The following RGS6 variants were observed in gnomAD, a reference collection of about 807,000 sequenced individuals.
RGS6 encodes regulator of G protein signaling 6, also known as regulator of G-protein signaling 6.
A neutral mutation model predicts 78.5 loss-of-function variants in RGS6; 30 were observed. The observed-to-expected ratio is 0.38, with a 90% CI of 0.29 to 0.52. The LOEUF (loss-of-function observed/expected upper bound fraction) is 0.52, where lower values mean the gene tolerates loss of function less well. Ranked by LOEUF, RGS6 falls within the 20% of genes least tolerant of loss-of-function variation. The pLI is 0.85. For synonymous variants in RGS6, 206 were observed against 206.0 expected, an observed-to-expected ratio of 1.00 and a Z score of 0.00; for missense variants, 495 against 609.7, an observed-to-expected ratio of 0.81 and a Z score of 1.98.
At chr14:71,985,505 T>A (rs1156919921) in intron 2 of RGS6, among the ~76,000 whole-genome samples, 1 of 152,166 alleles carries the variant, frequency 6.6e-6, no homozygotes, top group Admixed American at 6.5e-5. Flanking sequence ...TAATAGCAAA[T>A]TAAAAAATTC....
intron 2 of RGS6, among the ~76,000 whole-genome samples, chr14:72,145,167 T>G (rs1259200649): frequency 6.6e-6 from 1 of 152,148 alleles, no homozygotes; most frequent in African/African-American, 2.4e-5. Context: ...ACAATAGTGA[T>G]GTTATCCCCA....
At chr14:71,979,229 A>G (rs1201064263) in intron 2 of RGS6, among the ~76,000 whole-genome samples, 6 of 147,296 alleles carry the variant, frequency 4.1e-5, no homozygotes, top group African/African-American at 1.5e-4. Flanking sequence ...TGGATTCATT[A>G]ATTTTTTGAA....
At chr14:72,329,645 T>C (rs760204784) in intron 2 of RGS6, among the ~76,000 whole-genome samples, 1 of 152,244 alleles carries the variant, frequency 6.6e-6, no homozygotes, top group Non-Finnish European at 1.5e-5. Context: ...TTATGGGGCC[T>C]GGTAAAGGTT....
chr14:72,064,970 A>G (rs1203863198), intron 2 of RGS6, among the ~76,000 whole-genome samples: 3 of 152,214 alleles, frequency 2.0e-5, no homozygotes, highest in African/African-American at 7.2e-5. Context: ...TATATTTTGT[A>G]GTATCTTGGA....
chr14:72,097,429 CT>C (rs756140507), intron 2 of RGS6, among the ~76,000 whole-genome samples: 1 of 152,176 alleles, frequency 6.6e-6, no homozygotes, highest in Non-Finnish European at 1.5e-5. Context: ...ATTCTCTTTA[CT>C]TTGGTCTTTG....
chr14:72,095,206 A>G (rs1047780870), intron 2 of RGS6, among the ~76,000 whole-genome samples: 14 of 152,082 alleles, frequency 9.2e-5, no homozygotes, highest in Admixed American at 5.9e-4. Context: ...ACTGAGTTTT[A>G]ACAAATAATT....
chr14:72,513,703 C>A (rs1211067356), intron 14 of RGS6, among the ~76,000 whole-genome samples: 1 of 152,222 alleles, frequency 6.6e-6, no homozygotes, highest in East Asian at 1.9e-4. Context: ...CATCTTTGCT[C>A]CCTCTCCCAC....
At chr14:72,163,001 G>A (rs570727884) in intron 2 of RGS6, among the ~76,000 whole-genome samples, 24 of 152,252 alleles carry the variant, frequency 1.6e-4, no homozygotes, top group African/African-American at 5.8e-4. Context: ...TAAGCTATGA[G>A]GATGCAAAGG....
chr14:71,895,324 T>C, the RGS6 span, among the ~76,000 whole-genome samples: 126,018 of 151,748 alleles, frequency 0.83, 52,517 homozygotes, highest in African/African-American at 0.85. Context: ...GCTGGGATTA[T>C]AGGCGCCCAT....
chr14:72,607,965 CACTT>C, the RGS6 span, among the ~76,000 whole-genome samples: 12 of 152,358 alleles, frequency 7.9e-5, no homozygotes, highest in African/African-American at 1.9e-4. Context: ...GTGCAGCACT[CACTT>C]AGGGGAGGAA....
At chr14:72,401,150 A>G (rs181230974) in intron 3 of RGS6, among the ~76,000 whole-genome samples, 2 of 152,252 alleles carry the variant, frequency 1.3e-5, no homozygotes, top group African/African-American at 4.8e-5. Flanking sequence ...CTTTACCCCA[A>G]GTCTACCTCC....
chr14:72,108,848 G>A (rs968737012), intron 2 of RGS6, among the ~76,000 whole-genome samples: 2 of 151,880 alleles, frequency 1.3e-5, no homozygotes, highest in African/African-American at 2.4e-5. Context: ...TGTTAGAATT[G>A]TGATCTGATT....
intron 2 of RGS6, among the ~76,000 whole-genome samples, chr14:72,299,858 T>C (rs1171215017): frequency 6.6e-6 from 1 of 152,238 alleles, no homozygotes; most frequent in Non-Finnish European, 1.5e-5. Context: ...CTCACTTTCC[T>C]GATATCAGTA....
intron 2 of RGS6, among the ~76,000 whole-genome samples, chr14:72,167,694 A>T (rs924622455): frequency 2.6e-5 from 4 of 152,264 alleles, no homozygotes; most frequent in African/African-American, 9.6e-5. Context: ...GTGCTAAAAT[A>T]GAACACTTAC....
chr14:72,404,149 C>T (rs2092713220), intron 3 of RGS6, among the ~76,000 whole-genome samples: 1 of 152,148 alleles, frequency 6.6e-6, no homozygotes, highest in Admixed American at 6.6e-5. Flanking sequence ...CTTTTTGACC[C>T]ACTCCTATTC....
At chr14:72,587,858 G>A in the RGS6 span, among the ~76,000 whole-genome samples, 5 of 152,198 alleles carry the variant, frequency 3.3e-5, no homozygotes, top group African/African-American at 2.4e-5. Context: ...CACAGAGAAA[G>A]ATGGATTCTA....
chr14:72,467,047 G>A (rs542323377), intron 7 of RGS6, among the ~76,000 whole-genome samples: 200 of 152,144 alleles, frequency 1.3e-3, no homozygotes, highest in Non-Finnish European at 2.4e-3. Context: ...GCAAAAATTA[G>A]AGGCCCCACC....
intron 2 of RGS6, among the ~76,000 whole-genome samples, chr14:71,970,838 G>A (rs1360571965): frequency 6.6e-6 from 1 of 152,098 alleles, no homozygotes; most frequent in Non-Finnish European, 1.5e-5. Context: ...GGAGGTAGAG[G>A]GGTCATGTAG....
intron 15 of RGS6, among the ~76,000 whole-genome samples, chr14:72,525,527 C>CTAGCAAAACGTTTATAT (rs2153475156): frequency 6.6e-6 from 1 of 152,318 alleles, no homozygotes; most frequent in East Asian, 1.9e-4. Flanking sequence ...CAAGAAGCCT[C>CTAGCAAAACGTTTATAT]TAGCAAAACG....
Sources: allele counts gnomAD v4.1 joint callset (sites outside exome capture counted in the v4.1 genomes callset), GRCh38; gene constraint gnomAD v4.1.1; transcripts MANE v1.5; gene names NCBI Gene and HGNC (gene_info 2026-07-23, HGNC 2026-07-21).